Variants in SEMA4B observed in about 807,000 individuals in gnomAD.
SEMA4B encodes semaphorin-4B.
In SEMA4B, 55 loss-of-function variants were observed where a neutral mutation model predicts 88.1. The observed-to-expected ratio is 0.62, with a 90% CI of 0.50 to 0.78. The LOEUF (loss-of-function observed/expected upper bound fraction) is 0.78. Ranked by LOEUF, SEMA4B falls within the 30% of genes least tolerant of loss-of-function variation. The pLI, the probability that SEMA4B is intolerant of heterozygous loss-of-function variation, is 0.00. For synonymous variants in SEMA4B, 525 were observed against 473.6 expected, an observed-to-expected ratio of 1.11 and a Z score of -1.41; for missense variants, 1,062 against 1,111.9, an observed-to-expected ratio of 0.96 and a Z score of 0.64.
At position 90,228,481 on chromosome 15, in the gene SEMA4B, C is replaced by T. The variant is rs375101394; in HGVS notation, c.2352C>T (p.His784=). The T allele has an allele frequency of 1.3e-5, 21 of 1,610,128 alleles. No homozygotes were observed. The highest frequency in any genetic ancestry group is 1.6e-4 in the Middle Eastern group (1 of 6,080). ...GLGPPSTPLD[H]RGYQSLSDSP... ...GGCCCCCTAGCACCCCGCTCGATCA[C>T]CGAGGGTACCAGTCCCTGTCAGACA... Residue 784 remains histidine (H), a synonymous_variant, in exon 14 of 14, where the codon CAC becomes CAT. Transcript: ENST00000411539.
upstream of SEMA4B, among the ~76,000 whole-genome samples, chr15:90,197,267 G>A (rs1258014893): frequency 6.6e-6 from 1 of 152,058 alleles, no homozygotes; most frequent in African/African-American, 2.4e-5. Context: ...GTGCATGCCT[G>A]TAGTCCCAGC....
Position 90,221,388 on chromosome 15 carries a change from C to T in SEMA4B, c.617C>T (p.Thr206Ile). The T allele has an allele frequency of 6.4e-7, 1 of 1,569,554 alleles. No homozygotes were observed. The highest frequency in any genetic ancestry group is 8.6e-7 in the Non-Finnish European group (1 of 1,158,316). The change falls in exon 6 of 14, where the codon ACA (threonine) becomes ATA (isoleucine). Residue 206 changes from threonine to isoleucine, a missense_variant. Coordinates refer to ENST00000411539, the MANE Select transcript of SEMA4B (RefSeq NM_198925.4). ...LVVDGELYTGTVSSFQGNDPA... is the reference protein window; with the variant it reads ...LVVDGELYTGIVSSFQGNDPA... ...GCAGATGGCGAGCTCTACACTGGAA[C>T]AGTCAGCAGCTTCCAAGGGAATGAC...
At chr15:90,210,484 G>A (rs1438865812) in intron 1 of SEMA4B, among the ~76,000 whole-genome samples, 12 of 152,178 alleles carry the variant, frequency 7.9e-5, no homozygotes, top group Admixed American at 7.9e-4. Flanking sequence ...CAGGAGGGTG[G>A]TCATCAACAC....
Position 90,228,524 on chromosome 15 carries a change from G to C in SEMA4B, c.2395G>C (p.Val799Leu), listed in dbSNP as rs765127018. Reference protein sequence around the residue: ...SLSDSPPGSRVFTESEKRPLS... With the variant: ...SLSDSPPGSRLFTESEKRPLS... The stretch of plus-strand genomic sequence containing the variant: ...GTCAGACAGCCCCCCGGGGTCCCGA[G>C]TCTTCACTGAGTCAGAGAAGAGGCC... Residue 799 changes from valine to leucine, a missense_variant, in exon 14 of 14, where the codon GTC (valine) becomes CTC (leucine). Coordinates refer to ENST00000411539, the MANE Select transcript of SEMA4B (RefSeq NM_198925.4). The C allele has an allele frequency of 5.3e-5, 86 of 1,612,366 alleles. No individual in the cohort carries two copies. Among genetic ancestry groups the C allele is most frequent in the Middle Eastern group, 3.3e-4 (2 of 6,082 alleles).
chr15:90,199,471 A>C (rs1960622603), upstream of SEMA4B, among the ~76,000 whole-genome samples: 1 of 151,798 alleles, frequency 6.6e-6, no homozygotes, highest in African/African-American at 2.4e-5. Context: ...GAAGGGGGAG[A>C]GATCAGGAGC....
At chr15:90,195,392 G>T (rs372730233) in intron 1 of SEMA4B, among the ~76,000 whole-genome samples, 4 of 151,988 alleles carry the variant, frequency 2.6e-5, no homozygotes, top group African/African-American at 9.7e-5. Flanking sequence ...TCGCCTCGCT[G>T]CATTTGATTA....
At chr15:90,198,356 T>C (rs1960584567), upstream of SEMA4B, among the ~76,000 whole-genome samples, 1 of 152,234 alleles carries the variant, frequency 6.6e-6, no homozygotes, top group South Asian at 2.1e-4. Flanking sequence ...CTGCTTACCA[T>C]GTGCCAAGCA....
At chr15:90,205,064 C>T (rs1596131593) in intron 1 of SEMA4B, among the ~76,000 whole-genome samples, 1 of 152,220 alleles carries the variant, frequency 6.6e-6, no homozygotes, top group East Asian at 1.9e-4. Context: ...CATGAGCCAC[C>T]ACATCCGGCC....
At chr15:90,186,483 G>T (rs376146183) in intron 1 of SEMA4B, among the ~76,000 whole-genome samples, 1 of 151,966 alleles carries the variant, frequency 6.6e-6, no homozygotes, top group South Asian at 2.1e-4. Context: ...GCTGGGCATG[G>T]TGGCGCATGC....
intron 10 of SEMA4B, 48 bp downstream of exon 10, chr15:90,225,226 T>C: frequency 6.4e-7 from 1 of 1,555,488 alleles, no homozygotes; most frequent in Non-Finnish European, 8.7e-7. Flanking sequence ...TGCACGTGGC[T>C]GGTGGGTCAT....
chr15:90,207,441 G>A (rs1325569022), intron 1 of SEMA4B, among the ~76,000 whole-genome samples: 1 of 152,220 alleles, frequency 6.6e-6, no homozygotes. Flanking sequence ...CCAACTGGAA[G>A]AGCAAATAAA....
intron 1 of SEMA4B, among the ~76,000 whole-genome samples, chr15:90,203,626 T>C (rs59788933): frequency 0.22 from 34,200 of 152,116 alleles, 4,429 homozygotes; most frequent in East Asian, 0.58. Context: ...GGTCCACTTC[T>C]ACAAGCCCGT....
At chr15:90,221,215 G>A (rs1961819125) in intron 5 of SEMA4B, 122 bp downstream of exon 5, 1 of 1,097,942 alleles carries the variant, frequency 9.1e-7, no homozygotes, top group Non-Finnish European at 1.4e-6. Context: ...AGAATGGCCA[G>A]GGGCTTGCCT....
At chr15:90,197,691 C>A (rs1960557951), upstream of SEMA4B, among the ~76,000 whole-genome samples, 1 of 151,938 alleles carries the variant, frequency 6.6e-6, no homozygotes, top group Non-Finnish European at 1.5e-5. Flanking sequence ...CGCACCTCGG[C>A]CTCCCAAAGT....
chr15:90,221,832 C>A (rs898960369), intron 7 of SEMA4B, 67 bp downstream of exon 7: 51 of 1,513,960 alleles, frequency 3.4e-5, no homozygotes, highest in Non-Finnish European at 4.2e-5. Flanking sequence ...TGCAAGATCA[C>A]CCACATCCAT....
intron 1 of SEMA4B, among the ~76,000 whole-genome samples, chr15:90,202,741 T>C (rs1005730245): frequency 6.6e-6 from 1 of 152,148 alleles, no homozygotes; most frequent in African/African-American, 2.4e-5. Context: ...CTTTAACTTG[T>C]TGGTTGTCAT....
At position 90,221,107 on chromosome 15, in the gene SEMA4B, G is replaced by T; in HGVS notation, c.595+14G>T. The T allele has an allele frequency of 6.4e-7, 1 of 1,574,086 alleles. No homozygotes were observed. The highest frequency in any genetic ancestry group is 8.7e-7 in the Non-Finnish European group (1 of 1,152,548). ...CCCTGGTGGTTGGTGAGTGTTGAGG[G>T]CAGGATGGCTTCATTGAGGTTCCAT... On this transcript the variant is annotated intron_variant, in intron 5 of 13. Transcript: ENST00000411539.
intron 1 of SEMA4B, among the ~76,000 whole-genome samples, chr15:90,186,957 AAAAAAT>A (rs1960184770): frequency 6.6e-6 from 1 of 152,094 alleles, no homozygotes; most frequent in African/African-American, 2.4e-5. Context: ...ATAAAAAACA[AAAAAAT>A]AAAAATAAAA....
At chr15:90,203,607 G>A (rs960870266) in intron 1 of SEMA4B, among the ~76,000 whole-genome samples, 1 of 152,216 alleles carries the variant, frequency 6.6e-6, no homozygotes, top group Non-Finnish European at 1.5e-5. Flanking sequence ...CAATGCAGCT[G>A]CAGGACCTGG....
Sources: gnomAD v4.1 joint callset for allele counts (sites outside exome capture counted in the v4.1 genomes callset) on GRCh38, gnomAD v4.1.1 for gene constraint, MANE v1.5 for transcripts, NCBI Gene and HGNC (gene_info 2026-07-23, HGNC 2026-07-21) for gene names.